ADAM10: variants seen among roughly 807,000 people sequenced by gnomAD.
The protein encoded by ADAM10 is ADAM metallopeptidase domain 10.
Under a neutral mutation model 90.1 loss-of-function variants are expected in ADAM10, and 17 were observed. That is an observed-to-expected ratio of 0.19 (90% CI 0.13 to 0.28). ADAM10 has a LOEUF of 0.28. Ranked by LOEUF, ADAM10 falls within the 10% of genes least tolerant of loss-of-function variation. ADAM10 has a pLI of 1.00. For missense variants in ADAM10, 610 were observed against 914.3 expected (o/e 0.67, Z 4.29); for synonymous variants, 310 against 298.6 (o/e 1.04, Z -0.40).
At chr15:58,681,160 T>C (rs188026635) in intron 3 of ADAM10, among the ~76,000 whole-genome samples, 20 of 152,296 alleles carry the variant, frequency 1.3e-4, no homozygotes, top group Non-Finnish European at 2.2e-4. Flanking sequence ...CCTCGGACTT[T>C]TCTTGATCTC....
intron 4 of ADAM10, among the ~76,000 whole-genome samples, chr15:58,665,504 C>T (rs1372043651): frequency 6.6e-6 from 1 of 151,984 alleles, no homozygotes; most frequent in Non-Finnish European, 1.5e-5. Context: ...CGGCTGTCAC[C>T]AAGAGAATAT....
At chr15:58,625,021 G>T (rs1009479961) in intron 10 of ADAM10, among the ~76,000 whole-genome samples, 1 of 152,036 alleles carries the variant, frequency 6.6e-6, no homozygotes, top group Non-Finnish European at 1.5e-5. Flanking sequence ...ACATTAAGAA[G>T]CATTAGAAAA....
intron 2 of ADAM10, among the ~76,000 whole-genome samples, chr15:58,706,691 C>T (rs1898299432): frequency 6.6e-6 from 1 of 152,086 alleles, no homozygotes; most frequent in African/African-American, 2.4e-5. Context: ...AGCCAATGTA[C>T]ACCCCACCAG....
intron 2 of ADAM10, chr15:58,693,031 T>C (rs749046286): frequency 5.2e-6 from 4 of 770,122 alleles, no homozygotes; most frequent in East Asian, 2.6e-5. Context: ...CAGGCTCTCA[T>C]AGCGAATCTT....
chr15:58,611,967 T>C lies in ADAM10; in HGVS notation c.1536A>G (p.Thr512=), dbSNP rs367915349. Residue 512 remains threonine (T), a synonymous_variant, in exon 12 of 16, where the codon ACA becomes ACG. Transcript: ENST00000260408. ...QCSPSQGPCC[T]AQCAFKSKSE... The stretch of plus-strand genomic sequence containing the variant: ...ACTTTGACTTGAATGCACACTGTGC[T>C]GTACAACAAGGACCTTGACTTGGAC... The C allele has an allele frequency of 1.8e-5, 29 of 1,614,078 alleles. No individual in the cohort carries two copies. Among genetic ancestry groups the C allele is most frequent in the African/African-American group, 2.7e-5 (2 of 74,938 alleles).
chr15:58,749,677 T>A lies in ADAM10; in HGVS notation c.-143A>T, dbSNP rs528246956. ...CTGGCAGGAGAAACGGCGAAGCACC[T>A]CCCTCTCGCTCCACTTCAGGGGCCG... On this transcript the variant is annotated 5_prime_UTR_variant, in exon 1 of 16. Transcript: ENST00000260408. 1.0e-5 allele frequency: 15 copies of A among 1,451,186 alleles called. No individual in the cohort carries two copies. In the East Asian group the frequency reaches 2.2e-4, roughly 22 times the overall value. The allele number at this position is 1,451,186 out of a possible 1,614,324, so 89.9% of individuals were successfully genotyped here.
At chr15:58,670,908 G>T (rs1291481912) in intron 4 of ADAM10, among the ~76,000 whole-genome samples, 5 of 152,198 alleles carry the variant, frequency 3.3e-5, no homozygotes, top group Non-Finnish European at 7.4e-5. Flanking sequence ...AGAGATAAGA[G>T]ATATTAGCAC....
intron 2 of ADAM10, among the ~76,000 whole-genome samples, chr15:58,716,888 C>T (rs1318390152): frequency 6.6e-6 from 1 of 151,744 alleles, no homozygotes; most frequent in African/African-American, 2.4e-5. Flanking sequence ...GTAAGTGTCC[C>T]TAACAGATAG....
intron 5 of ADAM10, among the ~76,000 whole-genome samples, chr15:58,647,204 C>T (rs1399703369): frequency 6.8e-6 from 1 of 147,702 alleles, no homozygotes; most frequent in Non-Finnish European, 1.5e-5. Flanking sequence ...CACTGTAATG[C>T]TATCACCTAA....
chr15:58,655,711 G>GTATATATATA lies in ADAM10; in HGVS notation c.585+9376_585+9385dup, dbSNP rs1174017303. 2.5e-3 allele frequency among the ~76,000 whole-genome samples: 136 copies of GTATATATATA among 53,658 alleles called. 1 individual carries two copies. Among genetic ancestry groups the GTATATATATA allele is most frequent in the Middle Eastern group, 0.019 (1 of 54 alleles). 35.2% of individuals were successfully genotyped at this position (53,658 alleles called of 152,430 possible). A position where few individuals can be genotyped will look rare whatever the true frequency, so the allele number is the denominator to read the frequency against. On this transcript the variant is annotated intron_variant, in intron 5 of 15. Transcript: ENST00000260408. ...ATTATATATAGTATATATATATATA[G>GTATATATATA]TATATATATATATATATATATATAT...
intron 1 of ADAM10, among the ~76,000 whole-genome samples, chr15:58,729,425 A>T (rs776604428): frequency 7.2e-5 from 11 of 152,140 alleles, no homozygotes; most frequent in Admixed American, 2.6e-4. Context: ...ATCTCCGGGG[A>T]AAGTGTTAGC....
intron 1 of ADAM10, among the ~76,000 whole-genome samples, chr15:58,728,135 T>G (rs1447235294): frequency 6.6e-6 from 1 of 152,184 alleles, no homozygotes; most frequent in Non-Finnish European, 1.5e-5. Context: ...GACTAAAATC[T>G]AAGAGTATGT....
At chr15:58,613,296 G>A (rs1377149097) in intron 11 of ADAM10, among the ~76,000 whole-genome samples, 8 of 152,150 alleles carry the variant, frequency 5.3e-5, no homozygotes, top group African/African-American at 1.2e-4. Context: ...CTAGCTACAG[G>A]TGAGAGTATA....
At chr15:58,668,468 G>A (rs1158108307) in intron 4 of ADAM10, among the ~76,000 whole-genome samples, 1 of 152,070 alleles carries the variant, frequency 6.6e-6, no homozygotes. Flanking sequence ...CCCAAGCTGT[G>A]ACAACTGAAA....
intron 1 of ADAM10, among the ~76,000 whole-genome samples, chr15:58,733,920 T>A (rs1325746741): frequency 2.0e-5 from 3 of 150,076 alleles, no homozygotes; most frequent in South Asian, 2.1e-4. Context: ...TATATATATA[T>A]AAAAATAATA....
At chr15:58,720,163 TAAATGCATGCA>T (rs375106196) in intron 1 of ADAM10, among the ~76,000 whole-genome samples, 113 of 152,284 alleles carry the variant, frequency 7.4e-4, no homozygotes, top group African/African-American at 2.5e-3. Flanking sequence ...ATGCCTACCT[TAAATGCATGCA>T]AAATGCTTAC....
intron 5 of ADAM10, chr15:58,655,212 G>C (rs2140711476): frequency 6.6e-6 from 1 of 152,068 alleles, no homozygotes; most frequent in South Asian, 2.1e-4. Flanking sequence ...GGCCATTTTT[G>C]CGTTGTTATA....
chr15:58,730,207 G>A (rs555830179), intron 1 of ADAM10, among the ~76,000 whole-genome samples: 1 of 152,198 alleles, frequency 6.6e-6, no homozygotes, highest in South Asian at 2.1e-4. Context: ...ATAGGGATAG[G>A]TACACCATGG....
chr15:58,627,394 T>C (rs1428342228), intron 10 of ADAM10, among the ~76,000 whole-genome samples: 2 of 152,158 alleles, frequency 1.3e-5, no homozygotes, highest in Non-Finnish European at 2.9e-5. Context: ...CACTTAAAAT[T>C]TGTGCATTTC....
Sources: gnomAD v4.1 joint callset for allele counts (sites outside exome capture counted in the v4.1 genomes callset) on GRCh38, gnomAD v4.1.1 for gene constraint, MANE v1.5 for transcripts, NCBI Gene and HGNC (gene_info 2026-07-23, HGNC 2026-07-21) for gene names.